Variants in SEMA6D observed in about 807,000 individuals in gnomAD.
SEMA6D encodes the protein semaphorin 6D.
In SEMA6D, 35 loss-of-function variants were observed where a neutral mutation model predicts 106.6. That is an observed-to-expected ratio of 0.33 (90% confidence interval 0.25 to 0.44). The LOEUF is 0.44. Among genes scored for constraint, SEMA6D ranks in the 20% least tolerant of loss-of-function variants. The probability of loss-of-function intolerance (pLI) is 1.00; values close to 1 mark genes in which losing one functional copy is unlikely to be tolerated. For synonymous variants in SEMA6D, 499 were observed against 487.7 expected, an observed-to-expected ratio of 1.02 and a Z score of -0.31; for missense variants, 1,185 against 1,345.9, an observed-to-expected ratio of 0.88 and a Z score of 1.87.
chr15:47,250,270 G>A (rs1013001053), intron 1 of SEMA6D, among the ~76,000 whole-genome samples: 1 of 151,694 alleles, frequency 6.6e-6, no homozygotes, highest in African/African-American at 2.4e-5. Flanking sequence ...AACAAGACAC[G>A]ACATACTGTG....
intron 3 of SEMA6D, among the ~76,000 whole-genome samples, chr15:47,568,489 C>T (rs1566897229): frequency 6.6e-6 from 1 of 151,836 alleles, no homozygotes; most frequent in African/African-American, 2.4e-5. Flanking sequence ...GTACCTGGGC[C>T]CATTACATTA....
rs750700486 is a variant in SEMA6D, at chr15:47,760,320, G to A, written c.126G>A (p.Pro42=). The change falls in exon 3 of 19, where the codon CCG becomes CCA. Residue 42 remains proline (P), a synonymous_variant. Coordinates refer to ENST00000536845, the MANE Select transcript of SEMA6D (RefSeq NM_001358351.3). The part of the protein sequence containing the change: ...TVDYHYSRQY[P]VFRGRPSGNE... The stretch of plus-strand genomic sequence containing the variant: ...TACTTGCAGATTCAAGGCAATATCC[G>A]GTTTTTAGAGGACGCCCTTCAGGCA... 28 of 1,613,220 alleles carry A rather than the reference G, an allele frequency of 1.7e-5. No homozygotes were observed. In the Admixed American group the frequency reaches 2.5e-4, roughly 14 times the overall value.
intron 1 of SEMA6D, among the ~76,000 whole-genome samples, chr15:47,186,954 A>G (rs1893616466): frequency 6.6e-6 from 1 of 152,186 alleles, no homozygotes; most frequent in Non-Finnish European, 1.5e-5. Context: ...TGAAGTATGC[A>G]TGACTTTAAA....
At chr15:47,309,273 A>G (rs920257477) in intron 1 of SEMA6D, among the ~76,000 whole-genome samples, 2 of 152,296 alleles carry the variant, frequency 1.3e-5, no homozygotes, top group Admixed American at 1.3e-4. Context: ...CACTATTCTG[A>G]GTAGCGTGAT....
At chr15:47,726,165 C>T (rs985899011) in intron 1 of SEMA6D, among the ~76,000 whole-genome samples, 5 of 152,240 alleles carry the variant, frequency 3.3e-5, no homozygotes, top group East Asian at 3.9e-4. Context: ...ATAAACTGGC[C>T]TGGTTCAACT....
chr15:47,383,010 C>T (rs1405268460), intron 1 of SEMA6D, among the ~76,000 whole-genome samples: 1 of 152,176 alleles, frequency 6.6e-6, no homozygotes, highest in African/African-American at 2.4e-5. Context: ...AGGTAATCCG[C>T]CCCCCTTGGC....
chr15:47,334,733 T>G (rs1451539542), intron 1 of SEMA6D, among the ~76,000 whole-genome samples: 8 of 152,134 alleles, frequency 5.3e-5, no homozygotes, highest in Non-Finnish European at 1.0e-4. Context: ...GATGAGGAAT[T>G]TAATTGCTGG....
intron 1 of SEMA6D, among the ~76,000 whole-genome samples, chr15:47,190,993 G>A (rs1893923517): frequency 6.6e-6 from 1 of 152,050 alleles, no homozygotes; most frequent in Non-Finnish European, 1.5e-5. Context: ...AACATTCGGA[G>A]ACCCTGTCTC....
chr15:47,210,590 C>A (rs1170796886), intron 1 of SEMA6D, among the ~76,000 whole-genome samples: 3 of 151,770 alleles, frequency 2.0e-5, no homozygotes, highest in African/African-American at 7.3e-5. Context: ...CATAGTGAAA[C>A]CCCGTCTCTA....
chr15:47,598,282 T>C (rs2076577293), intron 3 of SEMA6D, among the ~76,000 whole-genome samples: 1 of 152,094 alleles, frequency 6.6e-6, no homozygotes, highest in South Asian at 2.1e-4. Flanking sequence ...TTAATATAAT[T>C]GGAGGTTGAA....
At chr15:47,279,711 A>G (rs964770376) in intron 1 of SEMA6D, among the ~76,000 whole-genome samples, 275 of 152,160 alleles carry the variant, frequency 1.8e-3, no homozygotes, top group Non-Finnish European at 1.9e-3. Context: ...ATCAATACCT[A>G]ATTTATTGAG....
chr15:47,706,723 T>TTC (rs141488630), intron 4 of SEMA6D, among the ~76,000 whole-genome samples: 32 of 151,566 alleles, frequency 2.1e-4, no homozygotes, highest in Admixed American at 2.0e-3. Flanking sequence ...CTCTCTATTT[T>TTC]TCTCTCTCTC....
chr15:47,468,940 T>C (rs1449535829), intron 2 of SEMA6D, among the ~76,000 whole-genome samples: 4 of 152,150 alleles, frequency 2.6e-5, no homozygotes, highest in Non-Finnish European at 5.9e-5. Flanking sequence ...GAATGTTTTA[T>C]GTAGAAAGTC....
intron 3 of SEMA6D, among the ~76,000 whole-genome samples, chr15:47,526,260 C>T (rs2044751686): frequency 6.6e-6 from 1 of 152,126 alleles, no homozygotes; most frequent in African/African-American, 2.4e-5. Context: ...GACCATTTTT[C>T]TTAGGGCTGT....
chr15:47,668,583 A>G (rs1439037163), intron 4 of SEMA6D, among the ~76,000 whole-genome samples: 1 of 152,240 alleles, frequency 6.6e-6, no homozygotes, highest in Non-Finnish European at 1.5e-5. Context: ...AGCCAAAGGC[A>G]TGCCTGAACC....
chr15:47,425,134 A>C (rs2041289291), intron 2 of SEMA6D, among the ~76,000 whole-genome samples: 1 of 152,070 alleles, frequency 6.6e-6, no homozygotes, highest in African/African-American at 2.4e-5. Context: ...ATCATTGAAA[A>C]GTCTGTCATA....
At chr15:47,418,998 A>G (rs12385962) in intron 2 of SEMA6D, among the ~76,000 whole-genome samples, 1,534 of 152,260 alleles carry the variant, frequency 0.01, 35 homozygotes, top group African/African-American at 0.035. Flanking sequence ...CACCAAGATA[A>G]AAAGGAGCTG....
At chr15:47,547,176 G>A (rs1041561638) in intron 3 of SEMA6D, among the ~76,000 whole-genome samples, 1 of 152,064 alleles carries the variant, frequency 6.6e-6, no homozygotes, top group Non-Finnish European at 1.5e-5. Context: ...TGTGGCTGGA[G>A]AATCAAGCCA....
intron 1 of SEMA6D, among the ~76,000 whole-genome samples, chr15:47,727,934 A>G (rs2079869090): frequency 6.6e-6 from 1 of 152,232 alleles, no homozygotes; most frequent in Non-Finnish European, 1.5e-5. Context: ...GAGAGTGCTC[A>G]AGCCGTGCTT....
Sources: allele counts gnomAD v4.1 joint callset (sites outside exome capture counted in the v4.1 genomes callset), GRCh38; gene constraint gnomAD v4.1.1; transcripts MANE v1.5; gene names NCBI Gene and HGNC (gene_info 2026-07-23, HGNC 2026-07-21).